Variants in ADAMTSL1 observed in about 807,000 individuals in gnomAD.
The protein encoded by ADAMTSL1 is ADAMTS-like protein 1.
ADAMTSL1 carries 126 observed loss-of-function variants against 201.8 expected under a neutral mutation model. The observed-to-expected ratio is 0.62, with a 90% CI of 0.54 to 0.72. The LOEUF is 0.72. Ranked by LOEUF, ADAMTSL1 falls within the 30% of genes least tolerant of loss-of-function variation. The pLI, the probability that ADAMTSL1 is intolerant of heterozygous loss-of-function variation, is 0.00. For synonymous variants in ADAMTSL1, 1,121 were observed against 903.4 expected (o/e 1.24, Z -4.32); for missense variants, 2,679 against 2,277.8 (o/e 1.18, Z -3.59).
chr9:18,645,243 T>C (rs1280650171), intron 7 of ADAMTSL1, among the ~76,000 whole-genome samples: 1 of 152,228 alleles, frequency 6.6e-6, no homozygotes, highest in African/African-American at 2.4e-5. Context: ...TTGTTTGTTT[T>C]ATTCTTGTAA....
rs746150664 is a variant in ADAMTSL1, at chr9:18,707,064, C to G, written c.1876+16C>G. 1.9e-6 allele frequency: 3 copies of G among 1,606,142 alleles called. No homozygotes were observed. The highest frequency in any genetic ancestry group is 1.3e-5 in the African/African-American group (1 of 74,750). On this transcript the variant is annotated intron_variant, in intron 14 of 28. Coordinates refer to ENST00000380548, the MANE Select transcript of ADAMTSL1 (RefSeq NM_001040272.6). ...TGTGGAGGAGGTAAGAAAGGGGGCT[C>G]TGGCTCAGATCCCCGCCATCTTCTT...
At chr9:18,715,304 G>A (rs896295074) in intron 14 of ADAMTSL1, among the ~76,000 whole-genome samples, 39 of 152,024 alleles carry the variant, frequency 2.6e-4, no homozygotes, top group Middle Eastern at 3.4e-3. Flanking sequence ...AATTATCCCT[G>A]TTTGAAGATG....
chr9:17,978,968 T>TA (rs1017030433), intron 1 of ADAMTSL1, among the ~76,000 whole-genome samples: 24 of 151,668 alleles, frequency 1.6e-4, no homozygotes, highest in Admixed American at 1.1e-3. Flanking sequence ...ACAGTTTTTT[T>TA]TTTTCTTTCA....
chr9:18,053,911 G>C (rs1281498157), intron 1 of ADAMTSL1, among the ~76,000 whole-genome samples: 1 of 152,078 alleles, frequency 6.6e-6, no homozygotes, highest in East Asian at 1.9e-4. Flanking sequence ...TTTATTGTTG[G>C]TGTGCACCTT....
At chr9:18,815,669 C>T (rs934071910) in intron 20 of ADAMTSL1, among the ~76,000 whole-genome samples, 2 of 139,536 alleles carry the variant, frequency 1.4e-5, no homozygotes, top group Non-Finnish European at 3.0e-5. Context: ...CATCACACCA[C>T]TGCCCTCCAG....
At chr9:18,303,899 C>T (rs896483082) in intron 2 of ADAMTSL1, among the ~76,000 whole-genome samples, 2 of 152,120 alleles carry the variant, frequency 1.3e-5, no homozygotes, top group South Asian at 4.1e-4. Flanking sequence ...TTTCATCCAA[C>T]AGCCTTTCAC....
chr9:17,938,587 T>C (rs1361872745), intron 1 of ADAMTSL1, among the ~76,000 whole-genome samples: 1 of 152,114 alleles, frequency 6.6e-6, no homozygotes, highest in Non-Finnish European at 1.5e-5. Flanking sequence ...TTGACTTAAC[T>C]TGGACTTCAC....
intron 1 of ADAMTSL1, among the ~76,000 whole-genome samples, chr9:18,090,627 C>A (rs1425370277): frequency 6.6e-6 from 1 of 152,068 alleles, no homozygotes; most frequent in Non-Finnish European, 1.5e-5. Context: ...TTAATAGGTA[C>A]AGAGTTTTAA....
At chr9:18,756,169 C>T (rs1477891834) in intron 16 of ADAMTSL1, among the ~76,000 whole-genome samples, 8 of 125,610 alleles carry the variant, frequency 6.4e-5, no homozygotes, top group African/African-American at 1.8e-4. Context: ...ATCCCAGCTA[C>T]TGTGGAGGCT....
chr9:18,213,408 C>T (rs1829952211), intron 2 of ADAMTSL1, among the ~76,000 whole-genome samples: 1 of 152,084 alleles, frequency 6.6e-6, no homozygotes, highest in Non-Finnish European at 1.5e-5. Context: ...GAAGACAGTC[C>T]TAAGTTGCAA....
chr9:18,077,939 C>T (rs911031819), intron 1 of ADAMTSL1, among the ~76,000 whole-genome samples: 9 of 152,198 alleles, frequency 5.9e-5, no homozygotes, highest in Admixed American at 1.3e-4. Context: ...TCAAGGCATC[C>T]CCATCTTGGC....
chr9:18,886,648 C>T (rs1388653270), intron 23 of ADAMTSL1, among the ~76,000 whole-genome samples: 3 of 152,210 alleles, frequency 2.0e-5, no homozygotes, highest in Non-Finnish European at 2.9e-5. Context: ...TTGTGTCCCA[C>T]ATGGTGGAAG....
chr9:18,255,278 C>T (rs1831639088), intron 2 of ADAMTSL1, among the ~76,000 whole-genome samples: 1 of 152,062 alleles, frequency 6.6e-6, no homozygotes, highest in African/African-American at 2.4e-5. Flanking sequence ...CATTCTTTAC[C>T]TTGTAGCAGG....
intron 1 of ADAMTSL1, among the ~76,000 whole-genome samples, chr9:18,131,113 C>G (rs1825933512): frequency 6.6e-6 from 1 of 152,124 alleles, no homozygotes; most frequent in Admixed American, 6.6e-5. Flanking sequence ...CATTTGGTTC[C>G]AAATCTTGCA....
intron 2 of ADAMTSL1, among the ~76,000 whole-genome samples, chr9:18,318,596 C>T (rs1315432210): frequency 6.6e-6 from 1 of 152,166 alleles, no homozygotes; most frequent in Non-Finnish European, 1.5e-5. Flanking sequence ...GGTTCCTGAC[C>T]AGAGGAGAGA....
chr9:18,631,834 C>G (rs16936917), intron 5 of ADAMTSL1, among the ~76,000 whole-genome samples: 30,398 of 152,066 alleles, frequency 0.2, 3,673 homozygotes, highest in East Asian at 0.5. Flanking sequence ...TGTGAAATGA[C>G]AGAATTTATG....
At chr9:17,972,317 C>A in intron 1 of ADAMTSL1, among the ~76,000 whole-genome samples, 1 of 94,096 alleles carries the variant, frequency 1.1e-5, no homozygotes. Context: ...TCCCCCCTCC[C>A]CCCAAGCTAC....
chr9:18,190,706 G>T (rs1278746239), intron 2 of ADAMTSL1, among the ~76,000 whole-genome samples: 2 of 152,104 alleles, frequency 1.3e-5, no homozygotes, highest in Admixed American at 6.6e-5. Flanking sequence ...AATAATTATT[G>T]CATATTAATT....
At chr9:17,952,520 G>T (rs2131376331) in intron 1 of ADAMTSL1, among the ~76,000 whole-genome samples, 1 of 152,134 alleles carries the variant, frequency 6.6e-6, no homozygotes, top group East Asian at 1.9e-4. Flanking sequence ...TACAAGTAGA[G>T]AATTGTATCT....
Sources: gnomAD v4.1 joint callset for allele counts (sites outside exome capture counted in the v4.1 genomes callset) on GRCh38, gnomAD v4.1.1 for gene constraint, MANE v1.5 for transcripts, NCBI Gene and HGNC (gene_info 2026-07-23, HGNC 2026-07-21) for gene names.